The following CGGBP1 variants were observed in gnomAD, a reference collection of about 807,000 sequenced individuals.
CGGBP1 encodes the protein CGG triplet repeat binding protein 1.
Under a neutral mutation model 11.4 loss-of-function variants are expected in CGGBP1, and 4 were observed. The observed-to-expected ratio is 0.35, with a 90% CI of 0.17 to 0.80. The LOEUF is 0.80. Ranked by LOEUF, CGGBP1 falls within the 30% of genes least tolerant of loss-of-function variation. The probability of loss-of-function intolerance (pLI) is 0.52; values close to 1 mark genes in which losing one functional copy is unlikely to be tolerated. For missense variants in CGGBP1, 135 were observed against 202.1 expected, an observed-to-expected ratio of 0.67 and a Z score of 2.01; for synonymous variants, 76 against 74.1, an observed-to-expected ratio of 1.03 and a Z score of -0.13.
At chr3:88,075,246 T>TA (rs1317641523) in intron 2 of CGGBP1, among the ~76,000 whole-genome samples, 2 of 152,234 alleles carry the variant, frequency 1.3e-5, no homozygotes, top group Non-Finnish European at 2.9e-5. Flanking sequence ...GCATATCACT[T>TA]ACTTGTAGTT....
chr3:88,086,187 T>A, intron 2 of CGGBP1: 1 of 1,418,654 alleles, frequency 7.0e-7, no homozygotes, highest in Non-Finnish European at 9.4e-7. Flanking sequence ...CAGTAACTTT[T>A]ATGCAAATTT....
intron 1 of CGGBP1, among the ~76,000 whole-genome samples, chr3:88,149,465 C>A (rs922384193): frequency 3.3e-5 from 5 of 152,280 alleles, no homozygotes; most frequent in Non-Finnish European, 7.3e-5. Flanking sequence ...GGAAGGCGGC[C>A]AGGCACAGTG....
At chr3:88,086,936 C>G (rs551669708) in intron 2 of CGGBP1, among the ~76,000 whole-genome samples, 12 of 152,262 alleles carry the variant, frequency 7.9e-5, no homozygotes, top group Middle Eastern at 3.4e-3. Context: ...GCGCCCGCCA[C>G]CACGCCTGGC....
Position 88,117,924 on chromosome 3 carries a change from T to G in CGGBP1, c.-229+23046A>C, listed in dbSNP as rs73844879. The stretch of plus-strand genomic sequence containing the variant: ...GTTTTAAATGTCTGGAACTTACCAG[T>G]ACTATTGCCCAATAGATGATTAAAA... On this transcript the variant is annotated intron_variant, in intron 2 of 3. Coordinates refer to the CGGBP1 transcript ENST00000462901. Among the ~76,000 whole-genome samples the G allele has an allele frequency of 3.2e-3, 460 of 142,770 alleles. 3 individuals are homozygous for G. Among genetic ancestry groups the G allele is most frequent in the African/African-American group, 0.011 (443 of 39,260 alleles). 93.7% of individuals were successfully genotyped at this position (142,770 alleles called of 152,430 possible). A position where few individuals can be genotyped will look rare whatever the true frequency, so the allele number is the denominator to read the frequency against.
rs1397790146 is a variant in CGGBP1 at position 88,055,492 on chromosome 3, A to G, written c.485T>C (p.Leu162Pro). 2.0e-6 allele frequency: 3 copies of G among 1,524,032 alleles called. No individual in the cohort carries two copies. In the African/African-American group the frequency reaches 4.2e-5, roughly 21 times the overall value. The allele number at this position is 1,524,032 out of a possible 1,614,324, so 94.4% of individuals were successfully genotyped here. A position where few individuals can be genotyped will look rare whatever the true frequency, so the allele number is the denominator to read the frequency against. Reference protein sequence around the residue: ...PDGYENENQLLNSQDC With the variant: ...PDGYENENQLPNSQDC Reference sequence around the variant, plus strand: ...TCCTAGTCAACAATCTTGTGAGTTGAGGAGTTGATTCTCATTCTCATATCC... The same window carrying G: ...TCCTAGTCAACAATCTTGTGAGTTGGGGAGTTGATTCTCATTCTCATATCC... The change falls in exon 4 of 4, where the codon CTC becomes CCC. Residue 162 changes from leucine (L) to proline (P), a missense_variant. Coordinates refer to ENST00000482016, the MANE Select transcript of CGGBP1 (RefSeq NM_001008390.2). The surrounding 1 kb of genome is among the most constrained non-coding windows in gnomAD (Gnocchi z 4.2).
intron 2 of CGGBP1, among the ~76,000 whole-genome samples, chr3:88,104,211 G>A (rs1339748318): frequency 1.3e-5 from 2 of 152,174 alleles, no homozygotes; most frequent in East Asian, 1.9e-4. Context: ...AAATTTGGAT[G>A]TATCTAAGGA....
upstream of CGGBP1, chr3:88,059,392 C>T (rs1247189296): frequency 2.0e-6 from 3 of 1,535,038 alleles, no homozygotes; most frequent in Non-Finnish European, 2.6e-6. Flanking sequence ...GGAGTCCCCG[C>T]TGGGCCCTGT....
At chr3:88,069,461 C>G (rs541793369) in intron 2 of CGGBP1, among the ~76,000 whole-genome samples, 11 of 152,234 alleles carry the variant, frequency 7.2e-5, no homozygotes, top group African/African-American at 1.7e-4. Flanking sequence ...AGTCCACCCC[C>G]CAACCCACTT....
intron 1 of CGGBP1, chr3:88,142,078 G>A (rs1375321609): frequency 6.5e-6 from 1 of 154,864 alleles, no homozygotes; most frequent in Non-Finnish European, 1.4e-5. Flanking sequence ...TCTACAAATG[G>A]GGTTTGTTTT....
At chr3:88,139,621 A>G in intron 2 of CGGBP1, 1 of 1,613,656 alleles carries the variant, frequency 6.2e-7, no homozygotes, top group Non-Finnish European at 8.5e-7. Flanking sequence ...GAAGGAAACA[A>G]AGAAGTCATC....
chr3:88,139,301 G>A, intron 2 of CGGBP1: 4 of 1,582,634 alleles, frequency 2.5e-6, no homozygotes, highest in Non-Finnish European at 3.4e-6. Context: ...ATGTCCCAAG[G>A]CATCGTTGTA....
At chr3:88,130,012 T>C (rs1440702604) in intron 2 of CGGBP1, among the ~76,000 whole-genome samples, 3 of 152,230 alleles carry the variant, frequency 2.0e-5, no homozygotes, top group Non-Finnish European at 4.4e-5. Flanking sequence ...AATGTGCCAC[T>C]AAACTGATAG....
At chr3:88,140,198 G>C (rs1460363266) in intron 2 of CGGBP1, 1 of 1,613,744 alleles carries the variant, frequency 6.2e-7, no homozygotes, top group South Asian at 1.1e-5. Flanking sequence ...GGATATTTCA[G>C]GCTCAGTGTA....
chr3:88,142,658 G>A (rs960037819), intron 1 of CGGBP1: 2 of 152,248 alleles, frequency 1.3e-5, no homozygotes, highest in South Asian at 2.1e-4. Flanking sequence ...TAAGAATCAG[G>A]TTGAGAAATC....
At chr3:88,118,334 GCTCAACGCTAT>G (rs1705539284) in intron 2 of CGGBP1, among the ~76,000 whole-genome samples, 1 of 150,576 alleles carries the variant, frequency 6.6e-6, no homozygotes, top group Admixed American at 6.6e-5. Context: ...CAAGCAGGAG[GCTCAACGCTAT>G]CTCACTGCGT....
chr3:88,131,568 T>C (rs1706467130), intron 2 of CGGBP1, among the ~76,000 whole-genome samples: 1 of 152,158 alleles, frequency 6.6e-6, no homozygotes. Context: ...ATTCTCTTGG[T>C]AACCCATTTC....
rs563342096 is a variant in CGGBP1, at chr3:88,146,400, T to C, written c.-338+3311A>G. 9.8e-5 allele frequency among the ~76,000 whole-genome samples: 15 copies of C among 152,300 alleles called. No homozygotes were observed. The South Asian group carries it at 2.7e-3, about 27-fold the overall frequency. ...TAAATGGTTGGGTGAATGGATACTT[T>C]AGTAGTAAGATCTAATATCCCAAAC... On this transcript the variant is annotated intron_variant, in intron 1 of 3. Coordinates refer to the CGGBP1 transcript ENST00000462901.
intron 2 of CGGBP1, chr3:88,139,462 T>C: frequency 6.2e-7 from 1 of 1,613,798 alleles, no homozygotes; most frequent in Non-Finnish European, 8.5e-7. Flanking sequence ...GTTAAGAAGA[T>C]ACAGAGGCAG....
chr3:88,089,435 G>T (rs1708521470), intron 2 of CGGBP1, among the ~76,000 whole-genome samples: 1 of 151,224 alleles, frequency 6.6e-6, no homozygotes, highest in Admixed American at 6.6e-5. Flanking sequence ...AGGTTGCAGT[G>T]AGCCAAGATC....
Sources: allele counts gnomAD v4.1 joint callset (sites outside exome capture counted in the v4.1 genomes callset), GRCh38; gene constraint gnomAD v4.1.1; non-coding constraint Gnocchi (gnomAD v3.1); transcripts MANE v1.5; gene names NCBI Gene and HGNC (gene_info 2026-07-23, HGNC 2026-07-21).